FAM171A1: variants seen among roughly 807,000 people sequenced by gnomAD.
FAM171A1 encodes family with sequence similarity 171 member A1, also known as protein FAM171A1.
A neutral mutation model predicts 74.9 loss-of-function variants in FAM171A1; 23 were observed. The observed-to-expected ratio is 0.31, with a 90% CI of 0.22 to 0.44. The LOEUF (loss-of-function observed/expected upper bound fraction) is 0.44, where lower values mean the gene tolerates loss of function less well. Among genes scored for constraint, FAM171A1 ranks in the 20% least tolerant of loss-of-function variants. FAM171A1 has a pLI of 1.00. For synonymous variants in FAM171A1, 527 were observed against 505.7 expected, an observed-to-expected ratio of 1.04 and a Z score of -0.57; for missense variants, 1,162 against 1,159.2, an observed-to-expected ratio of 1.00 and a Z score of -0.03.
rs6602845 is a variant in FAM171A1, at chr10:15,358,051, C to A, written c.97+12905G>T. ...AGTGCACTGACAGGATCATGGCTCA[C>A]TGCAGTCTCCAACACCTGGGCTTGA... On this transcript the variant is annotated intron_variant, in intron 1 of 7. Transcript: ENST00000378116. Among the ~76,000 whole-genome samples the A allele has an allele frequency of 4.5e-3, 689 of 152,326 alleles. 6 individuals carry two copies. Among genetic ancestry groups the A allele is most frequent in the African/African-American group, 0.016 (661 of 41,576 alleles).
intron 1 of FAM171A1, among the ~76,000 whole-genome samples, chr10:15,341,068 T>C (rs1215018163): frequency 1.3e-5 from 2 of 152,230 alleles, no homozygotes; most frequent in African/African-American, 4.8e-5. Context: ...CTACAAGTGA[T>C]AGTGAGACGT....
Position 15,254,821 on chromosome 10 carries a change from G to A in FAM171A1, c.477C>T (p.Asn159=). Reference sequence around the variant, plus strand: ...ACGCGGTCAGGTCACTGTAGCTGGTGTTCTCAGGCAACCTCAGAGCCCTTC... The same window carrying A: ...ACGCGGTCAGGTCACTGTAGCTGGTATTCTCAGGCAACCTCAGAGCCCTTC... ...FQRRALRLPE[N]TSYSDLTAFL... The change falls in exon 4 of 8, where the codon AAC becomes AAT. Residue 159 remains asparagine, a synonymous_variant. Transcript: ENST00000378116. 1 of 1,614,216 alleles carries A rather than the reference G, an allele frequency of 6.2e-7. No individual in the cohort carries two copies. Among genetic ancestry groups the A allele is most frequent in the Non-Finnish European group, 8.5e-7 (1 of 1,180,024 alleles).
intron 4 of FAM171A1, among the ~76,000 whole-genome samples, chr10:15,253,020 T>C (rs1407968096): frequency 2.0e-5 from 3 of 152,318 alleles, no homozygotes; most frequent in South Asian, 2.1e-4. Flanking sequence ...TTGTTTTTTT[T>C]TGAGACAGAG....
intron 5 of FAM171A1, among the ~76,000 whole-genome samples, chr10:15,236,944 T>TA (rs1320535751): frequency 6.6e-6 from 1 of 151,722 alleles, no homozygotes; most frequent in Non-Finnish European, 1.5e-5. Flanking sequence ...AATACAAAAA[T>TA]ATGCTGGGTG....
rs1256427194 is a variant in FAM171A1, at chr10:15,284,115, G to A, written c.98-10C>T. The A allele has an allele frequency of 6.2e-7, 1 of 1,611,558 alleles. No individual in the cohort carries two copies. The highest frequency in any genetic ancestry group is 8.5e-7 in the Non-Finnish European group (1 of 1,179,370). ...ACCTTTAACGTCACCTCTGGAGGTA[G>A]AGAAAGCACAAAGAACAGCTACTGT... On this transcript the variant is annotated splice_polypyrimidine_tract_variant and intron_variant, in intron 1 of 7. Coordinates refer to ENST00000378116, the MANE Select transcript of FAM171A1 (RefSeq NM_001010924.2).
chr10:15,291,925 A>T (rs993392507), intron 1 of FAM171A1, among the ~76,000 whole-genome samples: 13 of 152,120 alleles, frequency 8.5e-5, no homozygotes, highest in Non-Finnish European at 1.3e-4. Flanking sequence ...ACTCTTTTTT[A>T]AAAATTTTCA....
In FAM171A1 at chr10:15,370,968, C is replaced by A; in HGVS notation, c.85G>T (p.Ala29Ser). The A allele has an allele frequency of 8.5e-7, 1 of 1,178,796 alleles. No individual in the cohort carries two copies. Among genetic ancestry groups the A allele is most frequent in the Non-Finnish European group, 1.1e-6 (1 of 931,688 alleles). The allele number at this position is 1,178,796 out of a possible 1,614,324, so 73.0% of individuals were successfully genotyped here. The change falls in exon 1 of 8, where the codon GCC becomes TCC. Residue 29 changes from alanine to serine, a missense_variant. Physicochemically the swap from Ala to Ser is moderately conservative, Grantham distance 99. Transcript: ENST00000378116. ...AVTKTLREPG[A>S]GAQEVTLKVH... is the part of the protein sequence containing the mutation. The stretch of plus-strand genomic sequence containing the variant: ...GCCGCCCACTGACCTTGGGCTCCGG[C>A]GCCGGGCTCCCGCAGCGTCTTGGTC...
chr10:15,301,344 CTA>C (rs370421783), intron 1 of FAM171A1, among the ~76,000 whole-genome samples: 15 of 139,420 alleles, frequency 1.1e-4, no homozygotes, highest in African/African-American at 2.1e-4. Context: ...ACACGCCCAG[CTA>C]TATATATATA....
At chr10:15,280,319 A>G (rs77532443) in intron 2 of FAM171A1, among the ~76,000 whole-genome samples, 1,886 of 152,294 alleles carry the variant, frequency 0.012, 45 homozygotes, top group African/African-American at 0.043. Context: ...CTGCACATAT[A>G]TATTTTCATA....
chr10:15,362,369 G>C (rs540805140), intron 1 of FAM171A1, among the ~76,000 whole-genome samples: 1 of 152,170 alleles, frequency 6.6e-6, no homozygotes, highest in African/African-American at 2.4e-5. Context: ...CTTGAAATAA[G>C]ACTTCTGTGT....
At chr10:15,293,524 G>C (rs1835126002) in intron 1 of FAM171A1, among the ~76,000 whole-genome samples, 1 of 138,748 alleles carries the variant, frequency 7.2e-6, no homozygotes, top group Admixed American at 7.9e-5. Context: ...AAAGCAAAAA[G>C]AATGAAACTG....
intron 1 of FAM171A1, among the ~76,000 whole-genome samples, chr10:15,365,792 GCAGA>G (rs952619165): frequency 1.4e-4 from 21 of 149,568 alleles, no homozygotes; most frequent in Middle Eastern, 7.1e-3. Flanking sequence ...AGAGAGAAAT[GCAGA>G]CAGACAGAAA....
intron 5 of FAM171A1, chr10:15,241,573 G>A (rs1834365034): frequency 1.3e-5 from 2 of 152,126 alleles, no homozygotes; most frequent in African/African-American, 2.4e-5. Flanking sequence ...TTCGACCCAT[G>A]AGATATTCTC....
At chr10:15,343,716 T>G (rs1357847383) in intron 1 of FAM171A1, among the ~76,000 whole-genome samples, 1 of 151,822 alleles carries the variant, frequency 6.6e-6, no homozygotes, top group African/African-American at 2.4e-5. Flanking sequence ...AGGAGAGAGG[T>G]CTGGACGGGG....
chr10:15,214,118 G>A lies in FAM171A1; in HGVS notation c.1470C>T (p.Asn490=), dbSNP rs762970660. 5 of 1,614,042 alleles carry A rather than the reference G, an allele frequency of 3.1e-6. No individual in the cohort carries two copies. Among genetic ancestry groups the A allele is most frequent in the African/African-American group, 2.7e-5 (2 of 74,916 alleles). ...CAAATAAAGGCTGTGAGAGCACGGT[G>A]TTGTAACTACCCCTGTAGTCATCAT... ...SGNDDYRGSY[N]TVLSQPLFEK... The change falls in exon 8 of 8, where the codon AAC becomes AAT. Residue 490 remains asparagine (N), a synonymous_variant. Coordinates refer to ENST00000378116, the MANE Select transcript of FAM171A1 (RefSeq NM_001010924.2).
chr10:15,293,076 A>C (rs1225680883), intron 1 of FAM171A1, among the ~76,000 whole-genome samples: 1 of 152,104 alleles, frequency 6.6e-6, no homozygotes, highest in Non-Finnish European at 1.5e-5. Context: ...TTATTATTAA[A>C]CTCTACCAGA....
chr10:15,364,129 T>C (rs544288800), intron 1 of FAM171A1, among the ~76,000 whole-genome samples: 2 of 148,926 alleles, frequency 1.3e-5, no homozygotes, highest in South Asian at 4.3e-4. Context: ...AGCTTTCTTT[T>C]ACTTCATTTG....
chr10:15,324,320 G>A (rs1835523575), intron 1 of FAM171A1, among the ~76,000 whole-genome samples: 1 of 152,136 alleles, frequency 6.6e-6, no homozygotes, highest in Admixed American at 6.5e-5. Flanking sequence ...TTTGCTTGGG[G>A]TAGATGCCCC....
intron 1 of FAM171A1, among the ~76,000 whole-genome samples, chr10:15,314,648 T>A (rs561754192): frequency 6.6e-6 from 1 of 152,358 alleles, no homozygotes; most frequent in East Asian, 1.9e-4. Flanking sequence ...GTTTTCTGCA[T>A]CCTATTATTT....
Sources: gnomAD v4.1 joint callset for allele counts (sites outside exome capture counted in the v4.1 genomes callset) on GRCh38, gnomAD v4.1.1 for gene constraint, MANE v1.5 for transcripts, NCBI Gene and HGNC (gene_info 2026-07-23, HGNC 2026-07-21) for gene names.